ROBO1: variants seen among roughly 807,000 people sequenced by gnomAD.
ROBO1 encodes roundabout guidance receptor 1.
A neutral mutation model predicts 195.9 loss-of-function variants in ROBO1; 149 were observed. The ratio of observed to expected loss-of-function variants is 0.76; its 90% CI spans 0.67 to 0.87. The LOEUF is 0.87. ROBO1 is among the 40% of genes least tolerant of loss of function. The pLI is 0.00. For synonymous variants in ROBO1, 816 were observed against 733.2 expected, an observed-to-expected ratio of 1.11 and a Z score of -1.82; for missense variants, 1,933 against 2,068.3, an observed-to-expected ratio of 0.93 and a Z score of 1.27.
chr3:78,797,916 T>G (rs960882899), intron 4 of ROBO1, among the ~76,000 whole-genome samples: 1 of 152,176 alleles, frequency 6.6e-6, no homozygotes, highest in East Asian at 1.9e-4. Context: ...TTCTTTATGA[T>G]ATGAGGAAAC....
At chr3:78,925,571 CT>C (rs1032604349) in intron 4 of ROBO1, among the ~76,000 whole-genome samples, 2 of 152,094 alleles carry the variant, frequency 1.3e-5, no homozygotes, top group Admixed American at 6.5e-5. Flanking sequence ...CGAAAAACAC[CT>C]TTTTTCATTG....
chr3:79,300,694 AG>A (rs1182937506), intron 2 of ROBO1, among the ~76,000 whole-genome samples: 1 of 152,160 alleles, frequency 6.6e-6, no homozygotes, highest in African/African-American at 2.4e-5. Flanking sequence ...TCTGGTGGGG[AG>A]GTGGAGAACC....
intron 3 of ROBO1, among the ~76,000 whole-genome samples, chr3:79,016,395 A>C (rs1198120238): frequency 6.6e-6 from 1 of 152,218 alleles, no homozygotes; most frequent in African/African-American, 2.4e-5. Flanking sequence ...GGTTTACAAA[A>C]ATCATCAATG....
At chr3:78,734,394 C>T (rs1197233029) in intron 5 of ROBO1, among the ~76,000 whole-genome samples, 2 of 21,098 alleles carry the variant, frequency 9.5e-5, no homozygotes, top group Non-Finnish European at 1.8e-4. Context: ...GACCCCACCG[C>T]CACAAAAAAA....
chr3:79,606,732 A>G lies in ROBO1; in HGVS notation c.-50-16771T>C, dbSNP rs527775097. On this transcript the variant is annotated intron_variant, in intron 1 of 30. Transcript: ENST00000464233. ...ATCATATTTGCCAGATTTCTCTCTT[A>G]TGGGCCACTTAGACCACCTGTGTTT... Among the ~76,000 whole-genome samples the G allele has an allele frequency of 8.7e-5, 13 of 148,886 alleles. No homozygotes were observed. The South Asian group carries it at 2.8e-3, about 32-fold the overall frequency.
chr3:79,661,593 A>C (rs1431909479), intron 1 of ROBO1, among the ~76,000 whole-genome samples: 1 of 151,562 alleles, frequency 6.6e-6, no homozygotes, highest in African/African-American at 2.4e-5. Context: ...TCTTTCAACC[A>C]AGTCGTCTTT....
intron 3 of ROBO1, among the ~76,000 whole-genome samples, chr3:78,980,374 T>C (rs2076965764): frequency 6.6e-6 from 1 of 152,204 alleles, no homozygotes; most frequent in Non-Finnish European, 1.5e-5. Context: ...AATGTCACCA[T>C]GCCACAGCAT....
intron 2 of ROBO1, among the ~76,000 whole-genome samples, chr3:79,273,235 T>C (rs2030729985): frequency 6.6e-6 from 1 of 152,070 alleles, no homozygotes; most frequent in Non-Finnish European, 1.5e-5. Flanking sequence ...GGTTGTGGTG[T>C]GTAAAATACT....
At chr3:79,154,517 G>T (rs1210316955) in intron 2 of ROBO1, among the ~76,000 whole-genome samples, 1 of 151,684 alleles carries the variant, frequency 6.6e-6, no homozygotes, top group African/African-American at 2.4e-5. Flanking sequence ...CTAAAGTATG[G>T]CATGAAACAA....
In ROBO1 at chr3:78,788,240, C is replaced by T. The variant is rs982669071; in HGVS notation, c.500-41340G>A. 7.3e-5 allele frequency among the ~76,000 whole-genome samples: 11 copies of T among 151,690 alleles called. No homozygotes were observed. In the East Asian group the frequency reaches 2.0e-3, roughly 27 times the overall value. On this transcript the variant is annotated intron_variant, in intron 4 of 30. Transcript: ENST00000464233. ...ACGCCATTCTCCTGCCTCAGCCTCCCGAGTAGCTGGGGCTAAAGGCGCCCG... is the reference window on the plus strand; with the variant it reads ...ACGCCATTCTCCTGCCTCAGCCTCCTGAGTAGCTGGGGCTAAAGGCGCCCG...
intron 2 of ROBO1, among the ~76,000 whole-genome samples, chr3:79,216,294 G>A (rs1391681193): frequency 1.3e-5 from 2 of 152,030 alleles, no homozygotes; most frequent in African/African-American, 4.8e-5. Context: ...TCACAGATAT[G>A]CTTCAGGGCT....
chr3:79,157,664 T>A (rs2108655306), intron 2 of ROBO1, among the ~76,000 whole-genome samples: 1 of 152,026 alleles, frequency 6.6e-6, no homozygotes, highest in Non-Finnish European at 1.5e-5. Flanking sequence ...TTCCCCAGAA[T>A]AATTTGTTCT....
chr3:79,653,023 C>T (rs1489678574), intron 1 of ROBO1, among the ~76,000 whole-genome samples: 5 of 151,688 alleles, frequency 3.3e-5, no homozygotes, highest in African/African-American at 4.8e-5. Context: ...TATGTTTTTG[C>T]TTCACTTAAC....
intron 16 of ROBO1, 94 bp from the exon 17 acceptor site, chr3:78,659,901 T>C: frequency 1.1e-6 from 1 of 898,890 alleles, no homozygotes; most frequent in Non-Finnish European, 1.6e-6. Flanking sequence ...GATGTATTAA[T>C]ACTATATCAA....
chr3:78,649,406 G>A (rs918288038), intron 19 of ROBO1, among the ~76,000 whole-genome samples: 3 of 152,084 alleles, frequency 2.0e-5, no homozygotes, highest in Admixed American at 2.0e-4. Flanking sequence ...AAGTGATGCG[G>A]GTGCAATATG....
intron 2 of ROBO1, among the ~76,000 whole-genome samples, chr3:79,434,808 C>A (rs1034021701): frequency 2.8e-4 from 43 of 152,190 alleles, no homozygotes; most frequent in East Asian, 5.8e-4. Context: ...GACTTGGAAC[C>A]AACCCAAATG....
intron 4 of ROBO1, among the ~76,000 whole-genome samples, chr3:78,751,686 T>A (rs1296000000): frequency 1.3e-5 from 2 of 152,154 alleles, no homozygotes; most frequent in East Asian, 3.8e-4. Flanking sequence ...TATTCTGCAT[T>A]CCTGTGTTTT....
At chr3:78,783,769 T>C (rs1174671685) in intron 4 of ROBO1, among the ~76,000 whole-genome samples, 2 of 152,166 alleles carry the variant, frequency 1.3e-5, no homozygotes, top group Admixed American at 6.6e-5. Flanking sequence ...TCTCCCAAGG[T>C]TGCTTTTTAG....
chr3:79,160,865 C>T (rs973139791), intron 2 of ROBO1, among the ~76,000 whole-genome samples: 2 of 151,978 alleles, frequency 1.3e-5, no homozygotes, highest in African/African-American at 4.8e-5. Flanking sequence ...CCTCACCCCC[C>T]CAACCTCAAG....
Sources: gnomAD v4.1 joint callset for allele counts (sites outside exome capture counted in the v4.1 genomes callset) on GRCh38, gnomAD v4.1.1 for gene constraint, MANE v1.5 for transcripts, NCBI Gene and HGNC (gene_info 2026-07-23, HGNC 2026-07-21) for gene names.